DNAJC1: variants seen among roughly 807,000 people sequenced by gnomAD.
DNAJC1 encodes DnaJ heat shock protein family (Hsp40) member C1, also known as dnaJ homolog subfamily C member 1.
In DNAJC1, 58 loss-of-function variants were observed where a neutral mutation model predicts 76.6. The observed-to-expected ratio is 0.76, with a 90% CI of 0.61 to 0.94. The LOEUF (loss-of-function observed/expected upper bound fraction) is 0.94. Among genes scored for constraint, DNAJC1 ranks in the 40% least tolerant of loss-of-function variants. The pLI, the probability that DNAJC1 is intolerant of heterozygous loss-of-function variation, is 0.00. For missense variants in DNAJC1, 689 were observed against 677.3 expected, an observed-to-expected ratio of 1.02 and a Z score of -0.19; for synonymous variants, 258 against 267.9, an observed-to-expected ratio of 0.96 and a Z score of 0.36.
intron 3 of DNAJC1, among the ~76,000 whole-genome samples, chr10:21,921,695 A>G (rs1457950507): frequency 5.9e-5 from 9 of 152,062 alleles, no homozygotes; most frequent in Admixed American, 4.6e-4. Flanking sequence ...ATTAACAAGT[A>G]AAAGCTTTCC....
At chr10:21,922,542 T>G (rs1590050454) in intron 3 of DNAJC1, among the ~76,000 whole-genome samples, 1 of 152,016 alleles carries the variant, frequency 6.6e-6, no homozygotes, top group East Asian at 1.9e-4. Context: ...CTATTCTTTT[T>G]CAATGTTTAT....
At position 21,839,119 on chromosome 10, in the gene DNAJC1, C is replaced by A. The variant is rs565454184; in HGVS notation, c.979-33020G>T. On this transcript the variant is annotated intron_variant, in intron 8 of 11. Transcript: ENST00000376980. ...CAAAGCAGTGTGTAGAGGGAAATTT[C>A]TAGCACTAAATGTCCACAAGAGAAA... 2.0e-4 allele frequency among the ~76,000 whole-genome samples: 30 copies of A among 152,294 alleles called. No individual in the cohort carries two copies. In the South Asian group the frequency reaches 2.9e-3, roughly 15 times the overall value.
intron 9 of DNAJC1, among the ~76,000 whole-genome samples, chr10:21,770,024 T>C (rs866621884): frequency 9.2e-5 from 14 of 152,318 alleles, no homozygotes; most frequent in Middle Eastern, 6.8e-3. Context: ...ACTTCTCTGC[T>C]TTTCCTCCAT....
At chr10:21,997,810 A>G (rs1430260975) in intron 1 of DNAJC1, among the ~76,000 whole-genome samples, 3 of 152,222 alleles carry the variant, frequency 2.0e-5, no homozygotes, top group African/African-American at 7.2e-5. Flanking sequence ...TCTTCTGTTA[A>G]CCAAGTTTCA....
At position 21,761,144 on chromosome 10, in the gene DNAJC1, C is replaced by A. The variant is rs185596691; in HGVS notation, c.1148-1526G>T. On this transcript the variant is annotated intron_variant, in intron 10 of 11. Transcript: ENST00000376980. ...GCAGTGAGCCAAGACTGTGCCACTG[C>A]ACTCCAGCCTGGGAAACAAAGTCTT... Among the ~76,000 whole-genome samples the A allele has an allele frequency of 3.9e-5, 6 of 152,358 alleles. No individual in the cohort carries two copies. In the East Asian group the frequency reaches 1.2e-3, roughly 29 times the overall value.
chr10:21,860,888 C>T (rs1023917811), intron 8 of DNAJC1: 4 of 152,134 alleles, frequency 2.6e-5, no homozygotes, highest in Non-Finnish European at 5.9e-5. Context: ...AATGTGTGCA[C>T]ATTTCTATGG....
chr10:21,821,175 A>G (rs1835153231), intron 8 of DNAJC1, among the ~76,000 whole-genome samples: 1 of 152,112 alleles, frequency 6.6e-6, no homozygotes, highest in South Asian at 2.1e-4. Context: ...ATGACCCACT[A>G]TCAGACTGAG....
intron 1 of DNAJC1, among the ~76,000 whole-genome samples, chr10:21,950,036 C>G (rs1185066215): frequency 6.6e-6 from 1 of 151,220 alleles, no homozygotes; most frequent in East Asian, 2.0e-4. Context: ...TAGTCATCCA[C>G]AGAATCTTTT....
intron 1 of DNAJC1, among the ~76,000 whole-genome samples, chr10:21,936,533 C>A (rs1263349635): frequency 6.6e-6 from 1 of 152,116 alleles, no homozygotes; most frequent in African/African-American, 2.4e-5. Flanking sequence ...ACATTATATA[C>A]ATAAAAATGT....
At chr10:21,758,192 C>T (rs1201166824) in intron 11 of DNAJC1, among the ~76,000 whole-genome samples, 1 of 152,078 alleles carries the variant, frequency 6.6e-6, no homozygotes, top group Admixed American at 6.5e-5. Flanking sequence ...CTGGATTTTC[C>T]AACATAGAAT....
intron 10 of DNAJC1, among the ~76,000 whole-genome samples, chr10:21,764,698 A>C (rs1409591582): frequency 1.3e-5 from 2 of 152,256 alleles, no homozygotes; most frequent in Non-Finnish European, 2.9e-5. Flanking sequence ...AATCAGAAGA[A>C]ATACTTTTAT....
intron 10 of DNAJC1, among the ~76,000 whole-genome samples, chr10:21,764,590 G>T (rs1834274726): frequency 6.6e-6 from 1 of 152,068 alleles, no homozygotes; most frequent in Non-Finnish European, 1.5e-5. Flanking sequence ...CAAAATCTTA[G>T]GAAACAATTT....
At chr10:21,793,355 A>C (rs932001433) in intron 9 of DNAJC1, among the ~76,000 whole-genome samples, 2 of 152,134 alleles carry the variant, frequency 1.3e-5, no homozygotes, top group African/African-American at 4.8e-5. Context: ...TACAGCTAAA[A>C]TAATACTTAA....
chr10:21,970,436 G>T (rs903614577), intron 1 of DNAJC1, among the ~76,000 whole-genome samples: 15 of 151,850 alleles, frequency 9.9e-5, no homozygotes, highest in African/African-American at 3.6e-4. Context: ...AATAGCACTG[G>T]AACCAGAAAC....
At chr10:21,945,322 G>A (rs1837487002) in intron 1 of DNAJC1, among the ~76,000 whole-genome samples, 1 of 152,150 alleles carries the variant, frequency 6.6e-6, no homozygotes, top group African/African-American at 2.4e-5. Context: ...GTAAAATGAA[G>A]GGAAATTTTC....
intron 8 of DNAJC1, among the ~76,000 whole-genome samples, chr10:21,823,791 G>A (rs1835197966): frequency 6.6e-6 from 1 of 151,550 alleles, no homozygotes; most frequent in Non-Finnish European, 1.5e-5. Context: ...AAGTTTATGA[G>A]TTTGTGTTGG....
chr10:21,849,248 G>A (rs148916025), intron 8 of DNAJC1, among the ~76,000 whole-genome samples: 159 of 136,292 alleles, frequency 1.2e-3, no homozygotes, highest in African/African-American at 3.9e-3. Context: ...AGCCGAGATC[G>A]TGCCACTGCA....
intron 9 of DNAJC1, among the ~76,000 whole-genome samples, chr10:21,779,968 T>A (rs1054537794): frequency 6.6e-6 from 1 of 152,084 alleles, no homozygotes; most frequent in Middle Eastern, 3.4e-3. Context: ...CAGTAGCCGA[T>A]TGGATCAACC....
At chr10:21,934,668 C>T (rs1222332596) in intron 1 of DNAJC1, among the ~76,000 whole-genome samples, 1 of 152,186 alleles carries the variant, frequency 6.6e-6, no homozygotes, top group Non-Finnish European at 1.5e-5. Context: ...TAACATGCTA[C>T]ACAGGTTTGT....
Sources: allele counts gnomAD v4.1 joint callset (sites outside exome capture counted in the v4.1 genomes callset), GRCh38; gene constraint gnomAD v4.1.1; transcripts MANE v1.5; gene names NCBI Gene and HGNC (gene_info 2026-07-23, HGNC 2026-07-21).